The following HTR7 variants were observed in gnomAD, a reference collection of about 807,000 sequenced individuals.
HTR7 encodes the protein 5-HT-7.
HTR7 carries 16 observed loss-of-function variants against 34.0 expected under a neutral mutation model. The observed-to-expected ratio is 0.47, with a 90% CI of 0.32 to 0.71. The LOEUF (loss-of-function observed/expected upper bound fraction) is 0.71, where lower values mean the gene tolerates loss of function less well. Ranked by LOEUF, HTR7 falls within the 30% of genes least tolerant of loss-of-function variation. HTR7 has a pLI of 0.04. For missense variants in HTR7, 504 were observed against 625.5 expected (o/e 0.81, Z 2.07); for synonymous variants, 265 against 260.2 (o/e 1.02, Z -0.18).
rs548465276 is a variant in HTR7, at chr10:90,825,264, T to A, written c.539+31869A>T. ...GTCTGCAGGCTTGTACCTCTATGAG[T>A]CTGCAGGCTTATACCTCTACAAGGC... On this transcript the variant is annotated intron_variant, in intron 1 of 3. Coordinates refer to ENST00000336152, the MANE Select transcript of HTR7 (RefSeq NM_019859.4). Among the ~76,000 whole-genome samples the A allele has an allele frequency of 5.3e-5, 8 of 152,088 alleles. No individual in the cohort carries two copies. In the South Asian group the frequency reaches 1.7e-3, roughly 32 times the overall value.
intron 1 of HTR7, among the ~76,000 whole-genome samples, chr10:90,802,341 G>A (rs1443199503): frequency 3.1e-4 from 47 of 152,228 alleles, no homozygotes. Flanking sequence ...CTTGAGAGGA[G>A]TTTTGACTTA....
chr10:90,742,624 C>T, intron 3 of HTR7, 96 bp from the exon 4 acceptor site: 2 of 770,318 alleles, frequency 2.6e-6, no homozygotes, highest in South Asian at 1.6e-5. Flanking sequence ...TTACAGCAGT[C>T]AGTAATTTGA....
At chr10:90,839,846 A>C (rs1005145069) in intron 1 of HTR7, among the ~76,000 whole-genome samples, 2 of 152,170 alleles carry the variant, frequency 1.3e-5, no homozygotes, top group African/African-American at 4.8e-5. Flanking sequence ...AATGACTCAT[A>C]TCTCTTTCAA....
Position 90,852,202 on chromosome 10 carries a change from T to TAAAAAAAAAAAA in HTR7, c.539+4919_539+4930dup, listed in dbSNP as rs60371298. On this transcript the variant is annotated intron_variant, in intron 1 of 3. Coordinates refer to ENST00000336152, the MANE Select transcript of HTR7 (RefSeq NM_019859.4). ...AGCGAGACTGTCTCTTTATGTGAAG[T>TAAAAAAAAAAAA]AAAAAAAAAAAAGTTTTTAATTTAA... Among the ~76,000 whole-genome samples the TAAAAAAAAAAAA allele has an allele frequency of 5.2e-4, 71 of 135,244 alleles. 1 individual carries two copies. Among genetic ancestry groups the TAAAAAAAAAAAA allele is most frequent in the East Asian group, 1.9e-3 (9 of 4,692 alleles). The allele number at this position is 135,244 out of a possible 152,430, so 88.7% of individuals were successfully genotyped here.
chr10:90,757,437 G>A (rs1163895595), intron 1 of HTR7, among the ~76,000 whole-genome samples: 1 of 152,144 alleles, frequency 6.6e-6, no homozygotes, highest in Non-Finnish European at 1.5e-5. Context: ...CCAGAAGACT[G>A]GTAAATCCTG....
chr10:90,820,929 T>C (rs1464051182), intron 1 of HTR7, among the ~76,000 whole-genome samples: 6 of 152,118 alleles, frequency 3.9e-5, no homozygotes, highest in Admixed American at 6.6e-5. Flanking sequence ...AAAAACCCTA[T>C]GAGGAAGGTA....
chr10:90,814,009 AAG>A (rs1488127284), intron 1 of HTR7, among the ~76,000 whole-genome samples: 2 of 152,120 alleles, frequency 1.3e-5, no homozygotes, highest in South Asian at 2.1e-4. Context: ...TCTCTTTCGC[AAG>A]AGAGAGAGCT....
chr10:90,823,405 A>G (rs1187216613), intron 1 of HTR7, among the ~76,000 whole-genome samples: 2 of 152,218 alleles, frequency 1.3e-5, no homozygotes, highest in African/African-American at 4.8e-5. Flanking sequence ...AGACTTGCAT[A>G]GAGCCTATTT....
intron 1 of HTR7, among the ~76,000 whole-genome samples, chr10:90,801,001 A>C (rs1195319131): frequency 1.3e-5 from 2 of 152,194 alleles, no homozygotes; most frequent in African/African-American, 4.8e-5. Context: ...TCTCTCTGAC[A>C]GATTGTGCAC....
chr10:90,813,342 T>C (rs1399803151), intron 1 of HTR7, among the ~76,000 whole-genome samples: 1 of 152,012 alleles, frequency 6.6e-6, no homozygotes, highest in East Asian at 1.9e-4. Flanking sequence ...GCCAACATGG[T>C]GAAACCCCAT....
chr10:90,836,515 A>T (rs77147377), intron 1 of HTR7, among the ~76,000 whole-genome samples: 5,386 of 152,038 alleles, frequency 0.035, 118 homozygotes, highest in Middle Eastern at 0.095. Flanking sequence ...GTTAATTAAA[A>T]TTTTTTTAAA....
chr10:90,776,656 T>A (rs112991049), intron 1 of HTR7, among the ~76,000 whole-genome samples: 3,794 of 152,322 alleles, frequency 0.025, 156 homozygotes, highest in African/African-American at 0.082. Context: ...CCAATATTTA[T>A]GTGGAAAATA....
In HTR7 at chr10:90,749,094, G is replaced by A. The variant is rs1402965481; in HGVS notation, c.1040C>T (p.Ser347Leu). ...TVCWLPFFLL[S>L]TARPFICGTS... ...GCCACAGATGAAGGGTCTGGCTGTCGAGAGGAGGAAAAATGGCAGCCAGCA... is the reference window on the plus strand; with the variant it reads ...GCCACAGATGAAGGGTCTGGCTGTCAAGAGGAGGAAAAATGGCAGCCAGCA... The change falls in exon 2 of 4, where the codon TCG (serine) becomes TTG (leucine). Residue 347 changes from serine (S) to leucine (L), a missense_variant. Physicochemically the swap from Ser to Leu is moderately radical, Grantham distance 145. Around this residue, in one of 4 missense-constraint regions of HTR7, gnomAD observed 154 missense variants for 212.1 expected, o/e 0.73. Coordinates refer to ENST00000336152, the MANE Select transcript of HTR7 (RefSeq NM_019859.4). This position sits in a 1 kb window ranked among gnomAD's most constrained non-coding sequence, Gnocchi z 4.2. The A allele has an allele frequency of 2.5e-6, 4 of 1,614,122 alleles. No homozygotes were observed. The highest frequency in any genetic ancestry group is 4.5e-5 in the East Asian group (2 of 44,876).
At chr10:90,856,375 G>A (rs904712850) in intron 1 of HTR7, among the ~76,000 whole-genome samples, 1 of 152,160 alleles carries the variant, frequency 6.6e-6, no homozygotes, top group African/African-American at 2.4e-5. Flanking sequence ...GAAACCCTGT[G>A]GGTCTCCTAG....
chr10:90,765,130 G>T (rs1451144631), intron 1 of HTR7, among the ~76,000 whole-genome samples: 1 of 152,070 alleles, frequency 6.6e-6, no homozygotes, highest in Non-Finnish European at 1.5e-5. Flanking sequence ...TAAATGTTGG[G>T]TAGATTCCCC....
At chr10:90,775,013 C>T (rs1845183741) in intron 1 of HTR7, among the ~76,000 whole-genome samples, 1 of 152,152 alleles carries the variant, frequency 6.6e-6, no homozygotes, top group Non-Finnish European at 1.5e-5. Context: ...ATAAAGCTCT[C>T]TAAATAACGA....
Position 90,808,975 on chromosome 10 carries a change from T to A in HTR7, c.539+48158A>T, listed in dbSNP as rs180957992. On this transcript the variant is annotated intron_variant, in intron 1 of 3. Transcript: ENST00000336152. ...GGCATTCTTTTACACATCAGTCCCT[T>A]CCTAGTCTCTGTTCCCAATGCAACT... 4.9e-3 allele frequency among the ~76,000 whole-genome samples: 747 copies of A among 152,236 alleles called. 2 individuals carry two copies. Among genetic ancestry groups the A allele is most frequent in the Non-Finnish European group, 8.8e-3 (600 of 67,998 alleles).
intron 1 of HTR7, among the ~76,000 whole-genome samples, chr10:90,835,052 C>A (rs979709510): frequency 6.6e-6 from 1 of 152,074 alleles, no homozygotes; most frequent in Non-Finnish European, 1.5e-5. Context: ...TGTAAAAATG[C>A]GTCTGACTCA....
intron 1 of HTR7, among the ~76,000 whole-genome samples, chr10:90,761,335 T>C (rs1844931206): frequency 6.6e-6 from 1 of 152,226 alleles, no homozygotes; most frequent in Admixed American, 6.5e-5. Flanking sequence ...TTATTTTTTC[T>C]TTTTGGACTG....
Sources: gnomAD v4.1 joint callset for allele counts (sites outside exome capture counted in the v4.1 genomes callset) on GRCh38, gnomAD v4.1.1 for gene constraint, gnomAD v4.1.1 regional missense constraint, Gnocchi (gnomAD v3.1) non-coding constraint, MANE v1.5 for transcripts, NCBI Gene and HGNC (gene_info 2026-07-23, HGNC 2026-07-21) for gene names.